EPHA3: variants seen among roughly 807,000 people sequenced by gnomAD.
The protein encoded by EPHA3 is EPH receptor A3, also known as ephrin type-A receptor 3.
EPHA3 carries 42 observed loss-of-function variants against 107.1 expected under a neutral mutation model. The ratio of observed to expected loss-of-function variants is 0.39; its 90% CI spans 0.31 to 0.51. The LOEUF (loss-of-function observed/expected upper bound fraction) is 0.51, where lower values mean the gene tolerates loss of function less well. Ranked by LOEUF, EPHA3 falls within the 20% of genes least tolerant of loss-of-function variation. The pLI, the probability that EPHA3 is intolerant of heterozygous loss-of-function variation, is 0.78. For missense variants in EPHA3, 1,183 were observed against 1,211.2 expected, an observed-to-expected ratio of 0.98 and a Z score of 0.35; for synonymous variants, 461 against 424.8, an observed-to-expected ratio of 1.09 and a Z score of -1.05.
At chr3:89,332,453 T>C (rs1195649651) in intron 3 of EPHA3, among the ~76,000 whole-genome samples, 3 of 152,226 alleles carry the variant, frequency 2.0e-5, no homozygotes, top group Non-Finnish European at 4.4e-5. Context: ...GCCTTTTTTA[T>C]AGAACAGTGG....
chr3:89,413,080 G>T, intron 9 of EPHA3, 61 bp from the exon 10 acceptor site: 2 of 1,596,834 alleles, frequency 1.3e-6, no homozygotes, highest in South Asian at 1.1e-5. Context: ...CATAAAATTT[G>T]ATCTATAATT....
At chr3:89,344,767 G>A (rs1394676194) in intron 5 of EPHA3, among the ~76,000 whole-genome samples, 5 of 152,164 alleles carry the variant, frequency 3.3e-5, no homozygotes, top group African/African-American at 7.2e-5. Flanking sequence ...TAGTTTGTGA[G>A]ATCGAGTTTG....
intron 2 of EPHA3, among the ~76,000 whole-genome samples, chr3:89,145,754 C>A (rs1704542428): frequency 6.6e-6 from 1 of 151,502 alleles, no homozygotes; most frequent in Admixed American, 6.6e-5. Flanking sequence ...TTTATCGTTT[C>A]CTGAGGAATT....
chr3:89,280,294 A>G (rs1705910719), intron 3 of EPHA3, among the ~76,000 whole-genome samples: 1 of 152,198 alleles, frequency 6.6e-6, no homozygotes, highest in Admixed American at 6.6e-5. Flanking sequence ...AGAAGTGAGT[A>G]GGTATAGACA....
At chr3:89,184,459 T>A (rs969879708) in intron 2 of EPHA3, among the ~76,000 whole-genome samples, 3 of 152,048 alleles carry the variant, frequency 2.0e-5, no homozygotes, top group African/African-American at 7.2e-5. Flanking sequence ...TTGTTTTGAA[T>A]TTAGTTTAGA....
rs978850875 is a variant in EPHA3, at chr3:89,429,740, A to G, written c.2136+573A>G. On this transcript the variant is annotated intron_variant, in intron 12 of 16. Transcript: ENST00000336596. The stretch of plus-strand genomic sequence containing the variant: ...TATCTATCTATCTATCTATCTATCT[A>G]TATTTTTTGAGATGGAGTTTTACTC... Among the ~76,000 whole-genome samples the G allele has an allele frequency of 3.5e-5, 5 of 142,272 alleles. No homozygotes were observed. The Admixed American group carries it at 3.5e-4, about 10-fold the overall frequency. The allele number at this position is 142,272 out of a possible 152,430, so 93.3% of individuals were successfully genotyped here. A position where few individuals can be genotyped will look rare whatever the true frequency, so the allele number is the denominator to read the frequency against.
In EPHA3 at chr3:89,321,602, G is replaced by A. The variant is rs1169129817; in HGVS notation, c.815-19314G>A. On this transcript the variant is annotated intron_variant, in intron 3 of 16. Coordinates refer to ENST00000336596, the MANE Select transcript of EPHA3 (RefSeq NM_005233.6). ...AAATGTTTAACTTATTACCAAGTGC[G>A]AGCAAATAGAAAAAGGTTGGAAAGA... Among the ~76,000 whole-genome samples, 5 of 152,096 alleles carry A rather than the reference G, an allele frequency of 3.3e-5. No homozygotes were observed. In the East Asian group the frequency reaches 5.8e-4, roughly 18 times the overall value.
intron 16 of EPHA3, among the ~76,000 whole-genome samples, chr3:89,474,902 G>A (rs988281883): frequency 2.6e-5 from 4 of 152,142 alleles, no homozygotes; most frequent in African/African-American, 9.7e-5. Context: ...CATTCAAGAT[G>A]AAAACTGACT....
chr3:89,455,004 T>G (rs1004274430), intron 15 of EPHA3, among the ~76,000 whole-genome samples: 1 of 152,160 alleles, frequency 6.6e-6, no homozygotes, highest in Non-Finnish European at 1.5e-5. Flanking sequence ...TGAAAAAAAT[T>G]ATAAATTAAT....
chr3:89,124,556 C>G (rs1559741787), intron 1 of EPHA3, among the ~76,000 whole-genome samples: 2 of 151,964 alleles, frequency 1.3e-5, no homozygotes, highest in Admixed American at 6.6e-5. Context: ...TTCTACTCTA[C>G]TAGATCATGT....
chr3:89,303,038 A>G (rs921591993), intron 3 of EPHA3, among the ~76,000 whole-genome samples: 5 of 151,876 alleles, frequency 3.3e-5, no homozygotes, highest in South Asian at 2.1e-4. Context: ...GATTACTGGT[A>G]TCTGCTACCA....
At chr3:89,139,548 C>T (rs535145886) in intron 2 of EPHA3, among the ~76,000 whole-genome samples, 9 of 151,842 alleles carry the variant, frequency 5.9e-5, no homozygotes, top group African/African-American at 7.2e-5. Flanking sequence ...CTTGTGAAAA[C>T]GTTTATTGAT....
intron 5 of EPHA3, among the ~76,000 whole-genome samples, chr3:89,391,666 C>A (rs1015233006): frequency 6.6e-6 from 1 of 151,762 alleles, no homozygotes; most frequent in Non-Finnish European, 1.5e-5. Context: ...ATCTCCTGAC[C>A]TCATGATCCG....
chr3:89,160,205 A>T (rs1704899262), intron 2 of EPHA3, among the ~76,000 whole-genome samples: 2 of 152,086 alleles, frequency 1.3e-5, no homozygotes, highest in African/African-American at 2.4e-5. Context: ...TGTTTGGAAC[A>T]ATCAGAATGG....
At chr3:89,314,475 C>T (rs1209476465) in intron 3 of EPHA3, among the ~76,000 whole-genome samples, 1 of 151,552 alleles carries the variant, frequency 6.6e-6, no homozygotes, top group African/African-American at 2.4e-5. Context: ...ATCAAAGATC[C>T]AAAGCACCCT....
At chr3:89,234,352 T>C (rs903203986) in intron 3 of EPHA3, among the ~76,000 whole-genome samples, 1 of 152,210 alleles carries the variant, frequency 6.6e-6, no homozygotes, top group Non-Finnish European at 1.5e-5. Context: ...TGTATTTTAA[T>C]CAATAAAATC....
intron 9 of EPHA3, 31 bp from the exon 10 acceptor site, chr3:89,413,110 C>A (rs757555978): frequency 3.7e-6 from 6 of 1,609,012 alleles, no homozygotes; most frequent in Admixed American, 1.7e-5. Flanking sequence ...AATCTAGCTA[C>A]AATTGCGCCT....
At chr3:89,209,394 A>G (rs1559601426) in intron 2 of EPHA3, among the ~76,000 whole-genome samples, 3 of 152,118 alleles carry the variant, frequency 2.0e-5, no homozygotes, top group Non-Finnish European at 4.4e-5. Flanking sequence ...CATAGTAAAA[A>G]TATCATTTAT....
intron 3 of EPHA3, among the ~76,000 whole-genome samples, chr3:89,269,494 T>G (rs1471798584): frequency 6.6e-6 from 1 of 152,032 alleles, no homozygotes; most frequent in Non-Finnish European, 1.5e-5. Flanking sequence ...CAGGCTGGTC[T>G]CAAACTCCTG....
Sources: gnomAD v4.1 joint callset for allele counts (sites outside exome capture counted in the v4.1 genomes callset) on GRCh38, gnomAD v4.1.1 for gene constraint, MANE v1.5 for transcripts, NCBI Gene and HGNC (gene_info 2026-07-23, HGNC 2026-07-21) for gene names.